The following NOVA1 variants were observed in gnomAD, a reference collection of about 807,000 sequenced individuals.
NOVA1 encodes the protein RNA-binding protein Nova-1.
Under a neutral mutation model 38.0 loss-of-function variants are expected in NOVA1, and 7 were observed. That is an observed-to-expected ratio of 0.18 (90% CI 0.10 to 0.35). The LOEUF (loss-of-function observed/expected upper bound fraction) is 0.35. Ranked by LOEUF, NOVA1 falls within the 10% of genes least tolerant of loss-of-function variation. NOVA1 has a pLI of 1.00. For synonymous variants in NOVA1, 270 were observed against 232.5 expected, an observed-to-expected ratio of 1.16 and a Z score of -1.47; for missense variants, 460 against 616.0, an observed-to-expected ratio of 0.75 and a Z score of 2.68.
intron 2 of NOVA1, among the ~76,000 whole-genome samples, chr14:26,515,090 CA>C (rs1466297977): frequency 6.6e-6 from 1 of 151,874 alleles, no homozygotes; most frequent in Non-Finnish European, 1.5e-5. Flanking sequence ...CAACAAAGAA[CA>C]AAAGTGGACA....
chr14:26,596,845 T>G, intron 1 of NOVA1: 1 of 1,111,414 alleles, frequency 9.0e-7, no homozygotes, highest in East Asian at 7.8e-5. Context: ...GGAAAAACTC[T>G]CCGGCGCCCC....
At chr14:26,463,395 A>G (rs1436297812) in intron 4 of NOVA1, among the ~76,000 whole-genome samples, 3 of 152,172 alleles carry the variant, frequency 2.0e-5, no homozygotes, top group Non-Finnish European at 4.4e-5. Flanking sequence ...AGTTTTGTCT[A>G]TCTGATATAA....
In NOVA1 at chr14:26,447,812, A is replaced by T. The variant is rs1022009599; in HGVS notation, c.*147T>A. The stretch of plus-strand genomic sequence containing the variant: ...ACATCTGGTAAAACACATATTATTT[A>T]CATATACACATTGTCAACATAGTCG... On this transcript the variant is annotated 3_prime_UTR_variant, in exon 5 of 5. Transcript: ENST00000539517. The T allele has an allele frequency of 3.1e-6, 2 of 643,054 alleles. No homozygotes were observed. The highest frequency in any genetic ancestry group is 3.7e-5 in the African/African-American group (2 of 54,412). 39.8% of individuals were successfully genotyped at this position (643,054 alleles called of 1,614,324 possible). A position where few individuals can be genotyped will look rare whatever the true frequency, so the allele number is the denominator to read the frequency against.
intron 2 of NOVA1, among the ~76,000 whole-genome samples, chr14:26,540,418 GTCCC>G (rs1890389819): frequency 6.6e-6 from 1 of 152,158 alleles, no homozygotes; most frequent in South Asian, 2.1e-4. Flanking sequence ...CACAAAACCA[GTCCC>G]TGGTGCCAAA....
At chr14:26,484,602 ACTCT>A (rs1167917533) in intron 2 of NOVA1, among the ~76,000 whole-genome samples, 1 of 151,908 alleles carries the variant, frequency 6.6e-6, no homozygotes, top group African/African-American at 2.4e-5. Flanking sequence ...TTTTATAGAT[ACTCT>A]CTTTCTACTT....
At chr14:26,584,437 TAC>T (rs1893399545) in intron 2 of NOVA1, among the ~76,000 whole-genome samples, 1 of 151,646 alleles carries the variant, frequency 6.6e-6, no homozygotes, top group African/African-American at 2.4e-5. Flanking sequence ...TCAGTCATTT[TAC>T]AGACACACAG....
chr14:26,512,471 C>T (rs1017178931), intron 2 of NOVA1, among the ~76,000 whole-genome samples: 7 of 152,274 alleles, frequency 4.6e-5, no homozygotes, highest in Admixed American at 3.3e-4. Flanking sequence ...CACAACCACA[C>T]ACATTTCTAG....
At chr14:26,547,171 G>T in intron 2 of NOVA1, among the ~76,000 whole-genome samples, 1 of 151,900 alleles carries the variant, frequency 6.6e-6, no homozygotes, top group East Asian at 1.9e-4. Flanking sequence ...ATTTATTTCT[G>T]AATTCCAAAA....
chr14:26,500,351 G>T (rs1055276679), intron 2 of NOVA1, among the ~76,000 whole-genome samples: 2 of 152,060 alleles, frequency 1.3e-5, no homozygotes, highest in African/African-American at 4.8e-5. Context: ...GGCAGGAAAA[G>T]CTTACTGCTC....
intron 2 of NOVA1, among the ~76,000 whole-genome samples, chr14:26,512,387 A>G (rs1888164777): frequency 6.6e-6 from 1 of 152,188 alleles, no homozygotes; most frequent in Non-Finnish European, 1.5e-5. Context: ...AGTTTAAAGC[A>G]GGGGTCAGTC....
intron 2 of NOVA1, among the ~76,000 whole-genome samples, chr14:26,563,556 T>C (rs1176925217): frequency 1.3e-5 from 2 of 150,210 alleles, no homozygotes; most frequent in Non-Finnish European, 2.9e-5. Flanking sequence ...TACAGAATAG[T>C]AAAATGAGAG....
chr14:26,483,108 A>T (rs1885594753), intron 2 of NOVA1, among the ~76,000 whole-genome samples: 1 of 152,216 alleles, frequency 6.6e-6, no homozygotes, highest in Admixed American at 6.5e-5. Flanking sequence ...TTAAGTTTTG[A>T]TTTAACATAC....
At chr14:26,593,406 AAAATTGTATTTTAAT>A (rs1893984380) in intron 2 of NOVA1, 2 of 151,916 alleles carry the variant, frequency 1.3e-5, no homozygotes, top group Non-Finnish European at 3.0e-5. Flanking sequence ...TAATCCAGTT[AAAATTGTATTTTAAT>A]ACAAACTGTT....
At chr14:26,520,973 A>G (rs574323646) in intron 2 of NOVA1, among the ~76,000 whole-genome samples, 55 of 152,250 alleles carry the variant, frequency 3.6e-4, no homozygotes, top group African/African-American at 9.9e-4. Context: ...ATATTTGACA[A>G]TGTTGATGTT....
intron 4 of NOVA1, among the ~76,000 whole-genome samples, chr14:26,471,395 A>G (rs1183976665): frequency 6.6e-6 from 1 of 151,932 alleles, no homozygotes; most frequent in African/African-American, 2.4e-5. Flanking sequence ...TGAAAAATAT[A>G]TTAAACAGAT....
intron 2 of NOVA1, among the ~76,000 whole-genome samples, chr14:26,552,533 T>C (rs1393598926): frequency 1.3e-5 from 2 of 152,112 alleles, no homozygotes; most frequent in African/African-American, 4.8e-5. Flanking sequence ...AAATATATTT[T>C]CTAAAGATTG....
At chr14:26,552,899 G>A (rs1334277075) in intron 2 of NOVA1, among the ~76,000 whole-genome samples, 3 of 152,164 alleles carry the variant, frequency 2.0e-5, no homozygotes. Flanking sequence ...ATGGCAGATG[G>A]TAGAATGATA....
intron 2 of NOVA1, among the ~76,000 whole-genome samples, chr14:26,488,873 T>C (rs1260529695): frequency 6.6e-6 from 1 of 152,162 alleles, no homozygotes; most frequent in Non-Finnish European, 1.5e-5. Context: ...CTTCTATCTA[T>C]CCTTTATGTA....
intron 4 of NOVA1, among the ~76,000 whole-genome samples, chr14:26,464,829 A>G (rs1469336465): frequency 1.3e-5 from 2 of 152,162 alleles, no homozygotes; most frequent in African/African-American, 2.4e-5. Context: ...AAGTCTATCC[A>G]TTAAGGGAGT....
Sources: allele counts gnomAD v4.1 joint callset (sites outside exome capture counted in the v4.1 genomes callset), GRCh38; gene constraint gnomAD v4.1.1; transcripts MANE v1.5; gene names NCBI Gene and HGNC (gene_info 2026-07-23, HGNC 2026-07-21).